The following SPOPL variants were observed in gnomAD, a reference collection of about 807,000 sequenced individuals.
SPOPL encodes the protein speckle type BTB/POZ protein like.
SPOPL carries 23 observed loss-of-function variants against 53.8 expected under a neutral mutation model. The ratio of observed to expected loss-of-function variants is 0.43; its 90% confidence interval spans 0.31 to 0.61. The LOEUF (loss-of-function observed/expected upper bound fraction) is 0.61, where lower values mean the gene tolerates loss of function less well. Ranked by LOEUF, SPOPL falls within the 20% of genes least tolerant of loss-of-function variation. The pLI, the probability that SPOPL is intolerant of heterozygous loss-of-function variation, is 0.12. For synonymous variants in SPOPL, 164 were observed against 149.7 expected (o/e 1.10, Z -0.70); for missense variants, 442 against 466.9 (o/e 0.95, Z 0.49).
intron 1 of SPOPL, among the ~76,000 whole-genome samples, chr2:138,521,920 G>A (rs1684567153): frequency 6.6e-6 from 1 of 152,116 alleles, no homozygotes; most frequent in African/African-American, 2.4e-5. Flanking sequence ...TGAACACCTG[G>A]GGGAATGATG....
chr2:138,564,919 A>C (rs1685628364), intron 9 of SPOPL, 21 bp from the exon 10 acceptor site: 1 of 1,613,672 alleles, frequency 6.2e-7, no homozygotes, highest in African/African-American at 1.3e-5. Flanking sequence ...TTTTTTAAGT[A>C]TGTTTAAATC....
chr2:138,560,326 G>T lies in SPOPL; in HGVS notation c.715-479G>T, dbSNP rs184294220. On this transcript the variant is annotated intron_variant, in intron 7 of 10. Coordinates refer to ENST00000280098, the MANE Select transcript of SPOPL (RefSeq NM_001001664.3). ...AGAACTGTTTGTTACAGGATCTTAG[G>T]TGTTGTATTAGGACCTAGGGATTCA... Among the ~76,000 whole-genome samples the T allele has an allele frequency of 1.7e-4, 26 of 152,194 alleles. No individual in the cohort carries two copies. The East Asian group carries it at 5.0e-3, about 29-fold the overall frequency.
At chr2:138,506,438 A>G (rs186194177) in intron 1 of SPOPL, among the ~76,000 whole-genome samples, 2 of 152,348 alleles carry the variant, frequency 1.3e-5, no homozygotes, top group East Asian at 3.9e-4. Flanking sequence ...AGCTGTTACA[A>G]TAATGTAGTC....
intron 10 of SPOPL, among the ~76,000 whole-genome samples, chr2:138,566,518 T>A (rs1685662944): frequency 6.6e-6 from 1 of 152,206 alleles, no homozygotes; most frequent in Non-Finnish European, 1.5e-5. Context: ...TAATTGAAAT[T>A]TTGAACACAA....
chr2:138,508,231 A>C (rs1320746626), intron 1 of SPOPL, among the ~76,000 whole-genome samples: 1 of 152,246 alleles, frequency 6.6e-6, no homozygotes, highest in Non-Finnish European at 1.5e-5. Context: ...TTTTTGAAGA[A>C]TACTGTAGTT....
At chr2:138,554,412 C>T (rs553111869) in intron 5 of SPOPL, 64 of 1,195,252 alleles carry the variant, frequency 5.4e-5, no homozygotes, top group African/African-American at 1.6e-4. Context: ...TGTTCCACCC[C>T]GCTCACGGAT....
At chr2:138,533,147 A>G (rs908261661) in intron 1 of SPOPL, among the ~76,000 whole-genome samples, 40 of 152,194 alleles carry the variant, frequency 2.6e-4, no homozygotes, top group African/African-American at 8.4e-4. Flanking sequence ...CCATAGGGCA[A>G]TGAGGTGCTA....
At chr2:138,527,919 G>A (rs113643698) in intron 1 of SPOPL, among the ~76,000 whole-genome samples, 363 of 152,296 alleles carry the variant, frequency 2.4e-3, no homozygotes, top group African/African-American at 7.2e-3. Context: ...AGTTGCATGC[G>A]TAAGCTGGGA....
Position 138,552,571 on chromosome 2 carries a change from C to T in SPOPL, c.370C>T (p.Arg124Ter), listed in dbSNP as rs1180074281. 1 of 1,610,758 alleles carries T rather than the reference C, an allele frequency of 6.2e-7. No homozygotes were observed. The highest frequency in any genetic ancestry group is 2.2e-5 in the East Asian group (1 of 44,704). Residue 124 changes from arginine to a stop codon, truncating the protein, a stop_gained, in exon 5 of 11, where the codon CGA becomes TGA. Coordinates refer to ENST00000280098, the MANE Select transcript of SPOPL (RefSeq NM_001001664.3). LOFTEE classifies it high-confidence loss of function. ...TKAMESQRAYRFVQGKDWGFK... is the reference protein window; with the variant it reads ...TKAMESQRAY ...TCCACCAGAAAGCCAAAGAGCATAT[C>T]GATTTGTGCAAGGGAAGGACTGGGG... is the stretch of plus-strand genomic sequence containing the variant.
intron 4 of SPOPL, among the ~76,000 whole-genome samples, chr2:138,551,449 A>C (rs1348213910): frequency 6.6e-6 from 1 of 151,972 alleles, no homozygotes; most frequent in Non-Finnish European, 1.5e-5. Flanking sequence ...GAGTGCCCTG[A>C]TACTTTGTCA....
At chr2:138,563,358 T>C (rs1463947406) in intron 8 of SPOPL, among the ~76,000 whole-genome samples, 1 of 152,122 alleles carries the variant, frequency 6.6e-6, no homozygotes, top group Non-Finnish European at 1.5e-5. Context: ...GCCATGTGCC[T>C]TTAATCCCAG....
At chr2:138,549,008 G>A (rs1209579718) in intron 1 of SPOPL, among the ~76,000 whole-genome samples, 2 of 152,112 alleles carry the variant, frequency 1.3e-5, no homozygotes, top group African/African-American at 4.8e-5. Context: ...TGAAAATAAT[G>A]TGTGTTCTAC....
intron 1 of SPOPL, among the ~76,000 whole-genome samples, chr2:138,507,733 A>AT (rs559655667): frequency 9.2e-5 from 14 of 152,126 alleles, no homozygotes; most frequent in South Asian, 4.1e-4. Context: ...TCTTTTTTGG[A>AT]TTTTTTTTAT....
chr2:138,516,859 A>G (rs995276543), intron 1 of SPOPL, among the ~76,000 whole-genome samples: 4 of 152,196 alleles, frequency 2.6e-5, no homozygotes, highest in African/African-American at 9.6e-5. Context: ...TTATTTGAGC[A>G]GTTCTGGTTT....
chr2:138,524,189 A>C (rs1684619304), intron 1 of SPOPL, among the ~76,000 whole-genome samples: 1 of 152,150 alleles, frequency 6.6e-6, no homozygotes, highest in African/African-American at 2.4e-5. Flanking sequence ...AGCTGCCAAG[A>C]CTTGAGGCTT....
chr2:138,533,501 T>G (rs1425340819), intron 1 of SPOPL, among the ~76,000 whole-genome samples: 1 of 152,236 alleles, frequency 6.6e-6, no homozygotes, highest in East Asian at 1.9e-4. Flanking sequence ...TTCGTTAGAG[T>G]GCATGATATA....
intron 1 of SPOPL, among the ~76,000 whole-genome samples, chr2:138,542,660 G>A (rs904497220): frequency 4.6e-5 from 7 of 152,252 alleles, no homozygotes; most frequent in Non-Finnish European, 8.8e-5. Flanking sequence ...CCTGAATACA[G>A]CACACTGATG....
intron 1 of SPOPL, among the ~76,000 whole-genome samples, chr2:138,547,029 G>T (rs1008204586): frequency 1.3e-5 from 2 of 152,020 alleles, no homozygotes; most frequent in Non-Finnish European, 2.9e-5. Context: ...GCAGTGGTGC[G>T]ATCTTGCCTC....
Position 138,532,578 on chromosome 2 carries a change from C to T in SPOPL, c.-60-17579C>T, listed in dbSNP as rs552951883. 5.3e-3 allele frequency among the ~76,000 whole-genome samples: 791 copies of T among 150,284 alleles called. 9 individuals are homozygous for T. Among genetic ancestry groups the T allele is most frequent in the African/African-American group, 0.018 (751 of 41,014 alleles). Reference sequence around the variant, plus strand: ...AGTAGCTGGGACTACAGGCGCCTACCACCACGCCCGGCTAATTTTTTTTTT... The same window carrying T: ...AGTAGCTGGGACTACAGGCGCCTACTACCACGCCCGGCTAATTTTTTTTTT... On this transcript the variant is annotated intron_variant, in intron 1 of 10. Transcript: ENST00000280098.
Sources: allele counts gnomAD v4.1 joint callset (sites outside exome capture counted in the v4.1 genomes callset), GRCh38; gene constraint gnomAD v4.1.1; transcripts MANE v1.5; gene names NCBI Gene and HGNC (gene_info 2026-07-23, HGNC 2026-07-21).